SRP68: variants seen among roughly 807,000 people sequenced by gnomAD.
SRP68 encodes the protein signal recognition particle 68.
Under a neutral mutation model 82.2 loss-of-function variants are expected in SRP68, and 15 were observed. The ratio of observed to expected loss-of-function variants is 0.18; its 90% CI spans 0.12 to 0.28. SRP68 has a LOEUF of 0.28. Among genes scored for constraint, SRP68 ranks in the 10% least tolerant of loss-of-function variants. SRP68 has a pLI of 1.00. For synonymous variants in SRP68, 261 were observed against 292.6 expected (o/e 0.89, Z 1.10); for missense variants, 595 against 780.5 (o/e 0.76, Z 2.83).
chr17:76,055,424 TCTCA>T (rs1237575112), intron 8 of SRP68, among the ~76,000 whole-genome samples: 1 of 152,054 alleles, frequency 6.6e-6, no homozygotes, highest in African/African-American at 2.4e-5. Flanking sequence ...GTCTTTTATC[TCTCA>T]CTCCCTCCCA....
At chr17:76,055,869 G>C (rs1423480208) in intron 8 of SRP68, among the ~76,000 whole-genome samples, 3 of 135,258 alleles carry the variant, frequency 2.2e-5, no homozygotes, top group African/African-American at 5.8e-5. Context: ...GCATAGTGGT[G>C]TGATTTCAGC....
At chr17:76,044,539 C>T (rs1248451171) in intron 12 of SRP68, among the ~76,000 whole-genome samples, 2 of 152,176 alleles carry the variant, frequency 1.3e-5, no homozygotes, top group East Asian at 1.9e-4. Flanking sequence ...CTCTGCCTTC[C>T]ATCCTGGCTG....
At chr17:76,063,874 A>G in intron 4 of SRP68, 102 bp downstream of exon 4, 3 of 1,064,124 alleles carry the variant, frequency 2.8e-6, no homozygotes, top group African/African-American at 1.6e-5. Flanking sequence ...TCCTCTTCTG[A>G]CTGTCACTTT....
intron 8 of SRP68, among the ~76,000 whole-genome samples, chr17:76,054,943 A>C (rs1320493815): frequency 6.6e-6 from 1 of 152,164 alleles, no homozygotes; most frequent in Non-Finnish European, 1.5e-5. Flanking sequence ...GCATATAGGA[A>C]GTGAGACAAT....
chr17:76,061,639 T>A (rs2066752960), intron 4 of SRP68, 65 bp from the exon 5 acceptor site: 2 of 1,340,330 alleles, frequency 1.5e-6, no homozygotes, highest in Admixed American at 3.5e-5. Context: ...TCAATCTTCC[T>A]TTATTGGCTT....
intron 7 of SRP68, 48 bp from the exon 8 acceptor site, chr17:76,057,591 G>A (rs781494014): frequency 6.3e-7 from 1 of 1,597,568 alleles, no homozygotes; most frequent in Non-Finnish European, 8.6e-7. Context: ...GGATATGAGT[G>A]ATGGAGGTGA....
intron 3 of SRP68, among the ~76,000 whole-genome samples, chr17:76,065,066 A>AG (rs2144525706): frequency 6.6e-6 from 1 of 152,226 alleles, no homozygotes; most frequent in South Asian, 2.1e-4. Flanking sequence ...CTTTATTATT[A>AG]TACTGGTGAA....
chr17:76,048,020 G>A (rs750717961), intron 9 of SRP68, 50 bp from the exon 10 acceptor site: 16 of 1,304,264 alleles, frequency 1.2e-5, no homozygotes, highest in East Asian at 1.2e-4. Context: ...GCTCTCCATC[G>A]CTCTGACCAC....
chr17:76,047,070 G>A (rs2066637633), intron 10 of SRP68, among the ~76,000 whole-genome samples: 1 of 152,184 alleles, frequency 6.6e-6, no homozygotes, highest in African/African-American at 2.4e-5. Flanking sequence ...GGAGTGGAAG[G>A]AAATGAGGCA....
chr17:76,046,113 C>G lies in SRP68; in HGVS notation c.1224G>C (p.Gln408His). Residue 408 changes from glutamine (Q) to histidine (H), a missense_variant, in exon 11 of 16, where the codon CAG (glutamine) becomes CAC (histidine). Around this residue, in one of 2 missense-constraint regions of SRP68, gnomAD observed 495 missense variants for 688.6 expected, o/e 0.72. Transcript: ENST00000307877. ...MAKGLQRALL[Q>H]QQPEDDSKRS... The stretch of plus-strand genomic sequence containing the variant: ...GCTTGCTGTCATCCTCTGGCTGCTG[C>G]TGCAGCAGAGCCCTCTGCAGACCTT... 4 of 1,613,936 alleles carry G rather than the reference C, an allele frequency of 2.5e-6. No homozygotes were observed. In the East Asian group the frequency reaches 6.7e-5, roughly 27 times the overall value.
At chr17:76,060,635 T>C in intron 6 of SRP68, 1 of 450,518 alleles carries the variant, frequency 2.2e-6, no homozygotes. Flanking sequence ...CCATAGAATG[T>C]ACAACATCAA....
intron 8 of SRP68, among the ~76,000 whole-genome samples, chr17:76,055,481 T>G (rs2066706569): frequency 6.6e-6 from 1 of 151,862 alleles, no homozygotes. Context: ...GTGGGCCCGG[T>G]GCAGTGGCTG....
At chr17:76,055,339 T>G (rs2066705270) in intron 8 of SRP68, among the ~76,000 whole-genome samples, 1 of 152,132 alleles carries the variant, frequency 6.6e-6, no homozygotes, top group Non-Finnish European at 1.5e-5. Context: ...GTTACATGGA[T>G]AAGTTCTTCT....
chr17:76,057,342 AAC>A, intron 8 of SRP68, 59 bp downstream of exon 8: 1 of 1,603,182 alleles, frequency 6.2e-7, no homozygotes, highest in South Asian at 1.1e-5. Flanking sequence ...CTACATCTTA[AAC>A]ACACAGGACA....
intron 4 of SRP68, among the ~76,000 whole-genome samples, chr17:76,062,266 G>A (rs531387551): frequency 6.9e-6 from 1 of 144,574 alleles, no homozygotes; most frequent in African/African-American, 2.6e-5. Context: ...CAATCTGGGC[G>A]ACAGAGTGAG....
intron 3 of SRP68, among the ~76,000 whole-genome samples, chr17:76,066,453 A>AT (rs1450144992): frequency 2.0e-5 from 2 of 100,090 alleles, no homozygotes; most frequent in African/African-American, 1.7e-4. Context: ...CCGTCTCAAA[A>AT]AAAAAAAAAA....
chr17:76,045,845 T>A (rs569395760), intron 11 of SRP68, among the ~76,000 whole-genome samples, 193 bp downstream of exon 11: 1 of 152,156 alleles, frequency 6.6e-6, no homozygotes, highest in African/African-American at 2.4e-5. Flanking sequence ...GGGTCACTAT[T>A]CTCTGCAGAT....
intron 4 of SRP68, among the ~76,000 whole-genome samples, chr17:76,062,464 A>T (rs2066759567): frequency 7.9e-6 from 1 of 126,922 alleles, no homozygotes; most frequent in Non-Finnish European, 1.6e-5. Context: ...ACAAACAAAA[A>T]ACCCAAACAA....
At chr17:76,040,039 C>T in intron 15 of SRP68, 106 bp from the exon 16 acceptor site, 1 of 1,024,970 alleles carries the variant, frequency 9.8e-7, no homozygotes, top group South Asian at 1.5e-5. Flanking sequence ...GGGGCCATCT[C>T]ACTCAATCAC....
Sources: allele counts gnomAD v4.1 joint callset (sites outside exome capture counted in the v4.1 genomes callset), GRCh38; gene constraint gnomAD v4.1.1; regional missense constraint gnomAD v4.1.1; transcripts MANE v1.5; gene names NCBI Gene and HGNC (gene_info 2026-07-23, HGNC 2026-07-21).